Variants in DPP10 observed in about 807,000 individuals in gnomAD.
DPP10 encodes inactive dipeptidyl peptidase 10.
In DPP10, 33 loss-of-function variants were observed where a neutral mutation model predicts 120.9. The ratio of observed to expected loss-of-function variants is 0.27; its 90% confidence interval spans 0.21 to 0.37. DPP10 has a LOEUF of 0.37. Among genes scored for constraint, DPP10 ranks in the 10% least tolerant of loss-of-function variants. The pLI is 1.00. For synonymous variants in DPP10, 337 were observed against 326.1 expected (o/e 1.03, Z -0.36); for missense variants, 816 against 942.8 (o/e 0.87, Z 1.76).
chr2:114,788,922 T>TG (rs1441134171), intron 1 of DPP10, among the ~76,000 whole-genome samples: 1 of 152,020 alleles, frequency 6.6e-6, no homozygotes, highest in African/African-American at 2.4e-5. Context: ...CATTTTCAGG[T>TG]GGGGGTCATT....
At chr2:115,030,329 A>G (rs1272073323) in intron 1 of DPP10, among the ~76,000 whole-genome samples, 7 of 152,110 alleles carry the variant, frequency 4.6e-5, no homozygotes, top group African/African-American at 1.7e-4. Flanking sequence ...CCCAGTCTCT[A>G]TTAATCTTGT....
intron 1 of DPP10, among the ~76,000 whole-genome samples, chr2:114,926,926 C>T (rs1239518256): frequency 6.7e-6 from 1 of 149,626 alleles, no homozygotes; most frequent in Non-Finnish European, 1.5e-5. Context: ...TCTCGGCTCT[C>T]TGCAAGCTCT....
intron 1 of DPP10, among the ~76,000 whole-genome samples, chr2:115,163,716 A>G (rs536238961): frequency 2.0e-5 from 3 of 152,332 alleles, no homozygotes; most frequent in Admixed American, 2.0e-4. Context: ...TGATGCTACC[A>G]GTAAGAAAGA....
chr2:114,935,039 G>A (rs927101577), intron 1 of DPP10, among the ~76,000 whole-genome samples: 11 of 152,018 alleles, frequency 7.2e-5, no homozygotes, highest in Admixed American at 4.6e-4. Flanking sequence ...AGATTCACTC[G>A]TGAATGAGGT....
chr2:115,573,306 G>C (rs1271446780), intron 5 of DPP10, among the ~76,000 whole-genome samples: 1 of 136,662 alleles, frequency 7.3e-6, no homozygotes, highest in East Asian at 2.1e-4. Context: ...TTTTTGAGAA[G>C]GAGTCTTGCT....
intron 1 of DPP10, among the ~76,000 whole-genome samples, chr2:115,181,163 G>T (rs1031942556): frequency 6.6e-6 from 1 of 152,168 alleles, no homozygotes; most frequent in Non-Finnish European, 1.5e-5. Context: ...AACAGTTTGG[G>T]TGTGAAAATA....
chr2:115,233,340 C>T (rs1360410169), intron 1 of DPP10, among the ~76,000 whole-genome samples: 2 of 152,014 alleles, frequency 1.3e-5, no homozygotes, highest in East Asian at 3.9e-4. Context: ...GATTTCATGT[C>T]ATTTCAGGCA....
At chr2:114,763,318 G>A (rs767297230) in intron 1 of DPP10, among the ~76,000 whole-genome samples, 14 of 152,184 alleles carry the variant, frequency 9.2e-5, no homozygotes, top group Non-Finnish European at 1.3e-4. Flanking sequence ...AGAAACCACT[G>A]ACACGATTTA....
intron 2 of DPP10, among the ~76,000 whole-genome samples, chr2:115,334,136 A>T (rs1381150841): frequency 6.6e-6 from 1 of 151,300 alleles, no homozygotes; most frequent in Non-Finnish European, 1.5e-5. Flanking sequence ...TTCAGGAAAT[A>T]CAGAGAATGC....
intron 1 of DPP10, among the ~76,000 whole-genome samples, chr2:114,721,835 G>T (rs1418202186): frequency 6.6e-6 from 1 of 152,190 alleles, no homozygotes; most frequent in Non-Finnish European, 1.5e-5. Flanking sequence ...AATATTTAAT[G>T]GTTTGCATCC....
At chr2:114,477,790 T>G (rs1029858262) in intron 1 of DPP10, among the ~76,000 whole-genome samples, 1 of 151,204 alleles carries the variant, frequency 6.6e-6, no homozygotes, top group African/African-American at 2.4e-5. Flanking sequence ...TATGTATATA[T>G]GTATATGCAC....
intron 3 of DPP10, among the ~76,000 whole-genome samples, chr2:115,437,476 G>A (rs2071599896): frequency 6.6e-6 from 1 of 152,014 alleles, no homozygotes; most frequent in South Asian, 2.1e-4. Context: ...GATTAAAAGA[G>A]GAACTTGCTA....
chr2:115,570,960 C>T lies in DPP10; in HGVS notation c.441+44988C>T, dbSNP rs191777520. On this transcript the variant is annotated intron_variant, in intron 5 of 25. Transcript: ENST00000410059. ...ACAACTGACTGCCACCACCACAGGA[C>T]GGAGAGGGGAGTCGGTGGGCATTAA... Among the ~76,000 whole-genome samples the T allele has an allele frequency of 9.9e-5, 15 of 152,210 alleles. No individual in the cohort carries two copies. In the East Asian group the frequency reaches 1.6e-3, roughly 16 times the overall value.
intron 5 of DPP10, among the ~76,000 whole-genome samples, chr2:115,562,116 A>G (rs143007243): frequency 1.5e-3 from 232 of 152,322 alleles, no homozygotes; most frequent in Admixed American, 3.0e-3. Flanking sequence ...CTTCAAAGTC[A>G]TATCTCACCT....
intron 5 of DPP10, among the ~76,000 whole-genome samples, chr2:115,661,380 C>T (rs1266390484): frequency 6.6e-6 from 1 of 152,164 alleles, no homozygotes; most frequent in African/African-American, 2.4e-5. Context: ...AGGCCGGTCA[C>T]CTAGACTACC....
At chr2:115,466,183 A>G (rs776902189) in intron 3 of DPP10, among the ~76,000 whole-genome samples, 8 of 152,184 alleles carry the variant, frequency 5.3e-5, no homozygotes, top group Admixed American at 1.3e-4. Flanking sequence ...GGAAATACCA[A>G]TCCAGAGAAA....
chr2:114,578,609 A>T (rs551845767), intron 1 of DPP10, among the ~76,000 whole-genome samples: 13 of 152,270 alleles, frequency 8.5e-5, no homozygotes, highest in African/African-American at 3.1e-4. Context: ...TTAGCTCACG[A>T]CAGAAGGAAC....
intron 9 of DPP10, among the ~76,000 whole-genome samples, chr2:115,743,961 C>T (rs1328983005): frequency 2.7e-5 from 4 of 150,564 alleles, no homozygotes; most frequent in Non-Finnish European, 4.4e-5. Context: ...TAAGAAGCCC[C>T]TCAGGACCTC....
intron 1 of DPP10, among the ~76,000 whole-genome samples, chr2:114,722,944 C>T (rs972682599): frequency 1.3e-5 from 2 of 152,024 alleles, no homozygotes; most frequent in African/African-American, 4.8e-5. Flanking sequence ...AAATTTTTTT[C>T]AGTCCAGCTT....
Sources: gnomAD v4.1 joint callset for allele counts (sites outside exome capture counted in the v4.1 genomes callset) on GRCh38, gnomAD v4.1.1 for gene constraint, MANE v1.5 for transcripts, NCBI Gene and HGNC (gene_info 2026-07-23, HGNC 2026-07-21) for gene names.